PCDH9: variants seen among roughly 807,000 people sequenced by gnomAD.
PCDH9 encodes protocadherin-9.
In PCDH9, 24 loss-of-function variants were observed where a neutral mutation model predicts 70.6. That is an observed-to-expected ratio of 0.34 (90% CI 0.25 to 0.48). The LOEUF (loss-of-function observed/expected upper bound fraction) is 0.48. Ranked by LOEUF, PCDH9 falls within the 20% of genes least tolerant of loss-of-function variation. The pLI is 0.99. For synonymous variants in PCDH9, 562 were observed against 558.5 expected, an observed-to-expected ratio of 1.01 and a Z score of -0.09; for missense variants, 1,281 against 1,503.6, an observed-to-expected ratio of 0.85 and a Z score of 2.45.
At chr13:66,677,906 G>A (rs36037278) in intron 3 of PCDH9, among the ~76,000 whole-genome samples, 35,104 of 151,984 alleles carry the variant, frequency 0.23, 4,622 homozygotes, top group Non-Finnish European at 0.29. Flanking sequence ...GTATGTACTC[G>A]TTAATATTCT....
intron 2 of PCDH9, among the ~76,000 whole-genome samples, chr13:67,082,204 T>C (rs2085999523): frequency 1.3e-5 from 2 of 152,212 alleles, no homozygotes; most frequent in Non-Finnish European, 2.9e-5. Flanking sequence ...TTTAGTCATA[T>C]TGCATAACTG....
At chr13:66,404,001 C>T (rs1197672658) in intron 4 of PCDH9, among the ~76,000 whole-genome samples, 2 of 152,250 alleles carry the variant, frequency 1.3e-5, no homozygotes, top group African/African-American at 2.4e-5. Flanking sequence ...GGCTGAGATT[C>T]TACTGAAATG....
Position 66,737,586 on chromosome 13 carries a change from G to T in PCDH9, c.3139-106175C>A, listed in dbSNP as rs546639981. 2.6e-5 allele frequency among the ~76,000 whole-genome samples: 4 copies of T among 152,176 alleles called. No homozygotes were observed. In the East Asian group the frequency reaches 5.8e-4, roughly 22 times the overall value. ...TTTCTGCATTTCCATCTGAGGTACC[G>T]GGTTCATCTCACTAGGGAGTGCCAG... is the stretch of plus-strand genomic sequence containing the variant. On this transcript the variant is annotated intron_variant, in intron 3 of 4. Coordinates refer to ENST00000377865, the MANE Select transcript of PCDH9 (RefSeq NM_203487.3).
Position 66,766,524 on chromosome 13 carries a change from A to G in PCDH9, c.3139-135113T>C, listed in dbSNP as rs944807338. Among the ~76,000 whole-genome samples the G allele has an allele frequency of 1.2e-4, 19 of 152,126 alleles. 1 individual carries two copies. In the East Asian group the frequency reaches 2.1e-3, roughly 17 times the overall value. ...TTATAGACATTAATACTTATAGTGT[A>G]GATAGCACAGCAGTAGTCTACAAAT... On this transcript the variant is annotated intron_variant, in intron 3 of 4. Transcript: ENST00000377865.
At chr13:67,020,113 T>C (rs896209683) in intron 2 of PCDH9, among the ~76,000 whole-genome samples, 9 of 152,224 alleles carry the variant, frequency 5.9e-5, no homozygotes, top group Admixed American at 2.0e-4. Context: ...TATATTTTTC[T>C]TTTGAGTCTG....
chr13:66,710,176 T>C (rs2078773462), intron 3 of PCDH9, among the ~76,000 whole-genome samples: 1 of 152,136 alleles, frequency 6.6e-6, no homozygotes, highest in Non-Finnish European at 1.5e-5. Context: ...CAACTAGAAC[T>C]AGAATAAGTT....
intron 2 of PCDH9, among the ~76,000 whole-genome samples, chr13:66,998,712 T>G (rs1045564699): frequency 1.3e-5 from 2 of 152,194 alleles, no homozygotes; most frequent in African/African-American, 4.8e-5. Flanking sequence ...GTCTCTGCAA[T>G]GTCTCCTATA....
At chr13:66,360,660 G>C (rs888441755) in intron 4 of PCDH9, among the ~76,000 whole-genome samples, 29 of 151,944 alleles carry the variant, frequency 1.9e-4, no homozygotes, top group African/African-American at 6.5e-4. Flanking sequence ...TTAAAAAATT[G>C]AACATAGTAT....
At chr13:67,083,953 C>T (rs372918076) in intron 2 of PCDH9, among the ~76,000 whole-genome samples, 3 of 152,160 alleles carry the variant, frequency 2.0e-5, no homozygotes, top group Non-Finnish European at 2.9e-5. Flanking sequence ...ATTTACCCCA[C>T]TAGTTTCTAG....
chr13:66,472,625 T>G (rs891095893), intron 4 of PCDH9, among the ~76,000 whole-genome samples: 2 of 152,162 alleles, frequency 1.3e-5, no homozygotes, highest in African/African-American at 4.8e-5. Context: ...TTCTTTCGAT[T>G]GTCTTACTTG....
chr13:66,617,860 G>A lies in PCDH9; in HGVS notation c.3340+13350C>T, dbSNP rs371853763. 9.2e-5 allele frequency among the ~76,000 whole-genome samples: 14 copies of A among 151,798 alleles called. No homozygotes were observed. In the East Asian group the frequency reaches 9.6e-4, roughly 10 times the overall value. The stretch of plus-strand genomic sequence containing the variant: ...AGCCCCTGAGGGACCTCAGACTGCC[G>A]TTTCCACAAAACGGCGTCCCCTGTC... On this transcript the variant is annotated intron_variant, in intron 4 of 4. Coordinates refer to ENST00000377865, the MANE Select transcript of PCDH9 (RefSeq NM_203487.3).
intron 2 of PCDH9, among the ~76,000 whole-genome samples, chr13:67,134,961 A>T (rs12870318): frequency 6.6e-6 from 1 of 151,946 alleles, no homozygotes; most frequent in Admixed American, 6.6e-5. Flanking sequence ...AAGGGTACCA[A>T]TGAAAAGTGA....
At chr13:66,734,739 G>A (rs11839364) in intron 3 of PCDH9, among the ~76,000 whole-genome samples, 8,282 of 152,180 alleles carry the variant, frequency 0.054, 712 homozygotes, top group African/African-American at 0.19. Flanking sequence ...GCTAGGTACT[G>A]CCTATATATT....
intron 4 of PCDH9, among the ~76,000 whole-genome samples, chr13:66,596,129 C>G (rs1359410665): frequency 1.3e-5 from 2 of 151,494 alleles, no homozygotes; most frequent in Non-Finnish European, 3.0e-5. Flanking sequence ...TCATTTTGAT[C>G]CAATATTGAA....
At chr13:67,015,062 G>A (rs1005207300) in intron 2 of PCDH9, among the ~76,000 whole-genome samples, 20 of 152,098 alleles carry the variant, frequency 1.3e-4, no homozygotes, top group African/African-American at 4.6e-4. Context: ...TTTAACAAGA[G>A]GATACTCCAT....
chr13:66,504,858 G>A (rs1959195744), intron 4 of PCDH9, among the ~76,000 whole-genome samples: 1 of 152,092 alleles, frequency 6.6e-6, no homozygotes, highest in African/African-American at 2.4e-5. Context: ...CACTGCCATG[G>A]TTATCTTTTC....
intron 2 of PCDH9, among the ~76,000 whole-genome samples, chr13:66,907,398 A>G (rs752077764): frequency 5.3e-5 from 8 of 152,182 alleles, no homozygotes; most frequent in African/African-American, 7.2e-5. Flanking sequence ...ATCATATTCA[A>G]TGAAAATCAC....
At chr13:67,185,234 T>C (rs1162223866) in intron 2 of PCDH9, among the ~76,000 whole-genome samples, 4 of 152,236 alleles carry the variant, frequency 2.6e-5, no homozygotes, top group Admixed American at 2.6e-4. Context: ...TTCTGCAATG[T>C]AGATTTTTAC....
intron 3 of PCDH9, among the ~76,000 whole-genome samples, chr13:66,790,108 A>C (rs1187228423): frequency 2.6e-5 from 4 of 152,170 alleles, no homozygotes; most frequent in African/African-American, 9.6e-5. Context: ...CATGCAGACC[A>C]CTTAACAATG....
Sources: allele counts gnomAD v4.1 joint callset (sites outside exome capture counted in the v4.1 genomes callset), GRCh38; gene constraint gnomAD v4.1.1; transcripts MANE v1.5; gene names NCBI Gene and HGNC (gene_info 2026-07-23, HGNC 2026-07-21).